Variants in NRCAM observed in about 807,000 individuals in gnomAD.
NRCAM encodes neuronal cell adhesion molecule, also known as NgCAM-related cell adhesion molecule.
In NRCAM, 83 loss-of-function variants were observed where a neutral mutation model predicts 156.5. That is an observed-to-expected ratio of 0.53 (90% CI 0.44 to 0.64). The LOEUF (loss-of-function observed/expected upper bound fraction) is 0.64, where lower values mean the gene tolerates loss of function less well. Among genes scored for constraint, NRCAM ranks in the 30% least tolerant of loss-of-function variants. The pLI is 0.00. For missense variants in NRCAM, 1,417 were observed against 1,597.3 expected, an observed-to-expected ratio of 0.89 and a Z score of 1.92; for synonymous variants, 538 against 563.9, an observed-to-expected ratio of 0.95 and a Z score of 0.65.
intron 1 of NRCAM, among the ~76,000 whole-genome samples, chr7:108,424,626 C>T (rs1298864162): frequency 6.6e-6 from 1 of 152,178 alleles, no homozygotes; most frequent in Non-Finnish European, 1.5e-5. Flanking sequence ...GTCCTATCTA[C>T]ACCTGGAGTG....
At chr7:108,323,105 G>A (rs1187459489) in intron 2 of NRCAM, among the ~76,000 whole-genome samples, 6 of 152,102 alleles carry the variant, frequency 3.9e-5, no homozygotes, top group Non-Finnish European at 8.8e-5. Flanking sequence ...AGGAATTCAG[G>A]GGTTTTAGTC....
At chr7:108,430,834 G>A (rs1428905011) in intron 1 of NRCAM, among the ~76,000 whole-genome samples, 1 of 152,058 alleles carries the variant, frequency 6.6e-6, no homozygotes, top group African/African-American at 2.4e-5. Context: ...CCTAGGAAGA[G>A]GTAGCCATGG....
At chr7:108,378,674 C>T (rs1009461905) in intron 2 of NRCAM, among the ~76,000 whole-genome samples, 4 of 135,852 alleles carry the variant, frequency 2.9e-5, no homozygotes, top group Admixed American at 7.2e-5. Flanking sequence ...CACACACACA[C>T]ACACACACAC....
At chr7:108,276,432 A>G (rs1366395457) in intron 3 of NRCAM, among the ~76,000 whole-genome samples, 3 of 152,162 alleles carry the variant, frequency 2.0e-5, no homozygotes, top group Admixed American at 6.5e-5. Context: ...TTGGGTGCAT[A>G]TATATTTAGG....
rs537327476 is a variant in NRCAM, at chr7:108,369,230, G to A, written c.-174+30206C>T. Reference sequence around the variant, plus strand: ...TATCTGAGTAATTTTATATTTATAGGATTATAATTACAAAACATCTAATTT... The same window carrying A: ...TATCTGAGTAATTTTATATTTATAGAATTATAATTACAAAACATCTAATTT... On this transcript the variant is annotated intron_variant, in intron 2 of 32. Transcript: ENST00000379028. Among the ~76,000 whole-genome samples, 4 of 151,808 alleles carry A rather than the reference G, an allele frequency of 2.6e-5. No individual in the cohort carries two copies. The South Asian group carries it at 8.3e-4, about 32-fold the overall frequency.
intron 3 of NRCAM, among the ~76,000 whole-genome samples, chr7:108,290,155 T>C (rs2098241658): frequency 6.6e-6 from 1 of 152,202 alleles, no homozygotes; most frequent in African/African-American, 2.4e-5. Context: ...CCAATAAATT[T>C]GTCAGTTAGA....
chr7:108,152,393 C>T (rs923836890), intron 32 of NRCAM, among the ~76,000 whole-genome samples: 15 of 150,908 alleles, frequency 9.9e-5, no homozygotes, highest in African/African-American at 2.9e-4. Context: ...TCTAGGAACA[C>T]TAAGGAGCTT....
chr7:108,267,357 A>T (rs1228009605), intron 3 of NRCAM, among the ~76,000 whole-genome samples: 1 of 152,250 alleles, frequency 6.6e-6, no homozygotes, highest in Non-Finnish European at 1.5e-5. Flanking sequence ...GCAAAAAGGC[A>T]TACTGTGGCT....
intron 1 of NRCAM, among the ~76,000 whole-genome samples, chr7:108,408,998 G>A (rs921877547): frequency 6.6e-6 from 1 of 152,092 alleles, no homozygotes; most frequent in African/African-American, 2.4e-5. Flanking sequence ...GCTGGGGAAC[G>A]AGGGGTGTGA....
chr7:108,406,293 T>G (rs1416690765), intron 1 of NRCAM, among the ~76,000 whole-genome samples: 1 of 152,118 alleles, frequency 6.6e-6, no homozygotes, highest in Admixed American at 6.5e-5. Context: ...CCAGAGGAGA[T>G]TTGAGCACAT....
intron 11 of NRCAM, among the ~76,000 whole-genome samples, chr7:108,222,213 T>C (rs2092522468): frequency 6.6e-6 from 1 of 152,204 alleles, no homozygotes; most frequent in Non-Finnish European, 1.5e-5. Context: ...AGTTTCATAG[T>C]TTGAAATTAT....
chr7:108,254,041 T>C (rs1460355218), intron 3 of NRCAM, among the ~76,000 whole-genome samples: 1 of 152,200 alleles, frequency 6.6e-6, no homozygotes, highest in Non-Finnish European at 1.5e-5. Context: ...CAATAGTTTT[T>C]CAATCCTTGG....
intron 3 of NRCAM, among the ~76,000 whole-genome samples, chr7:108,248,536 C>T (rs1178482511): frequency 2.6e-5 from 4 of 152,098 alleles, no homozygotes; most frequent in Non-Finnish European, 4.4e-5. Flanking sequence ...GAGAAATTAA[C>T]CTAGAAGTCT....
In NRCAM at chr7:108,343,529, G is replaced by T. The variant is rs745741754; in HGVS notation, c.-173-30798C>A. On this transcript the variant is annotated intron_variant, in intron 2 of 32. Coordinates refer to ENST00000379028, the MANE Select transcript of NRCAM (RefSeq NM_001037132.4). ...CCTCCATTAGAAATGCTTATAGAAGGACCCCTAGTATGTGGTAATCCCCTC... is the reference window on the plus strand; with the variant it reads ...CCTCCATTAGAAATGCTTATAGAAGTACCCCTAGTATGTGGTAATCCCCTC... 2.2e-4 allele frequency among the ~76,000 whole-genome samples: 33 copies of T among 152,226 alleles called. No individual in the cohort carries two copies. In the Middle Eastern group the frequency reaches 0.017, roughly 78 times the overall value.
chr7:108,264,365 T>C (rs1023361087), intron 3 of NRCAM, among the ~76,000 whole-genome samples: 6 of 152,250 alleles, frequency 3.9e-5, no homozygotes, highest in Non-Finnish European at 8.8e-5. Context: ...TTTTTAATTA[T>C]GCTTATATTC....
intron 8 of NRCAM, among the ~76,000 whole-genome samples, chr7:108,230,563 C>A (rs2094186151): frequency 6.6e-6 from 1 of 152,158 alleles, no homozygotes; most frequent in Non-Finnish European, 1.5e-5. Flanking sequence ...TCGGCTCCTT[C>A]ATTAGTTCAT....
chr7:108,177,132 C>T (rs1428781452), intron 26 of NRCAM, among the ~76,000 whole-genome samples: 1 of 152,140 alleles, frequency 6.6e-6, no homozygotes, highest in Non-Finnish European at 1.5e-5. Context: ...TCTGAAACAA[C>T]ACTTGAAGTT....
At chr7:108,332,533 T>C (rs2099137391) in intron 2 of NRCAM, among the ~76,000 whole-genome samples, 2 of 152,148 alleles carry the variant, frequency 1.3e-5, no homozygotes, top group Admixed American at 1.3e-4. Context: ...ACATATGGGT[T>C]TTCCAAACCA....
intron 2 of NRCAM, among the ~76,000 whole-genome samples, chr7:108,345,892 T>C (rs2099350036): frequency 6.6e-6 from 1 of 152,160 alleles, no homozygotes; most frequent in Non-Finnish European, 1.5e-5. Flanking sequence ...CCTAGAACAA[T>C]GGGTGTCTGT....
Sources: gnomAD v4.1 joint callset for allele counts (sites outside exome capture counted in the v4.1 genomes callset) on GRCh38, gnomAD v4.1.1 for gene constraint, MANE v1.5 for transcripts, NCBI Gene and HGNC (gene_info 2026-07-23, HGNC 2026-07-21) for gene names.